MTHFD2L: variants seen among roughly 807,000 people sequenced by gnomAD.
The protein encoded by MTHFD2L is methylenetetrahydrofolate dehydrogenase (NADP+ dependent) 2 like.
MTHFD2L carries 29 observed loss-of-function variants against 34.9 expected under a neutral mutation model. The observed-to-expected ratio is 0.83, with a 90% CI of 0.62 to 1.13. MTHFD2L has a LOEUF of 1.13. Ranked by LOEUF, MTHFD2L falls within the 50% of genes most tolerant of loss-of-function variation. The pLI, the probability that MTHFD2L is intolerant of heterozygous loss-of-function variation, is 0.00. For synonymous variants in MTHFD2L, 167 were observed against 155.7 expected (o/e 1.07, Z -0.54); for missense variants, 481 against 446.5 (o/e 1.08, Z -0.70).
intron 6 of MTHFD2L, among the ~76,000 whole-genome samples, chr4:74,263,692 T>G (rs1395435299): frequency 6.6e-6 from 1 of 152,032 alleles, no homozygotes. Flanking sequence ...TTTGAGACTT[T>G]GAGGAAGTTG....
chr4:74,267,280 T>C, intron 6 of MTHFD2L: 1 of 941,972 alleles, frequency 1.1e-6, no homozygotes. Context: ...TTCTTTTTTC[T>C]ATTCTATTCT....
upstream of MTHFD2L, among the ~76,000 whole-genome samples, chr4:74,155,147 T>C (rs1474417457): frequency 6.6e-6 from 1 of 152,186 alleles, no homozygotes; most frequent in African/African-American, 2.4e-5. Flanking sequence ...GTTTCTTCTA[T>C]TGTTAGATTT....
At chr4:74,245,068 G>T (rs185969772) in intron 6 of MTHFD2L, among the ~76,000 whole-genome samples, 5 of 151,580 alleles carry the variant, frequency 3.3e-5, no homozygotes, top group Non-Finnish European at 7.4e-5. Context: ...CGTGGCAGGC[G>T]CCTGTAGTCC....
intron 6 of MTHFD2L, among the ~76,000 whole-genome samples, chr4:74,247,229 C>T (rs1742605566): frequency 6.6e-6 from 1 of 151,700 alleles, no homozygotes; most frequent in Non-Finnish European, 1.5e-5. Flanking sequence ...GTATTTTATT[C>T]TCTTTGAAGC....
chr4:74,242,066 C>G (rs1464517970), intron 6 of MTHFD2L: 1 of 152,078 alleles, frequency 6.6e-6, no homozygotes, highest in African/African-American at 2.4e-5. Flanking sequence ...TGTCAATATC[C>G]TGGGTATAAT....
intron 6 of MTHFD2L, among the ~76,000 whole-genome samples, chr4:74,255,154 A>AT (rs1345967188): frequency 6.6e-6 from 1 of 151,146 alleles, no homozygotes; most frequent in African/African-American, 2.4e-5. Flanking sequence ...AAAAAAAAAA[A>AT]AAAAAAAGAA....
intron 7 of MTHFD2L, chr4:74,288,294 T>C (rs1322294187): frequency 6.6e-6 from 1 of 152,174 alleles, no homozygotes; most frequent in Non-Finnish European, 1.5e-5. Context: ...TTATGTTCTC[T>C]TCTAAGGAAA....
At chr4:74,278,211 G>A (rs980407222) in intron 6 of MTHFD2L, among the ~76,000 whole-genome samples, 1 of 152,004 alleles carries the variant, frequency 6.6e-6, no homozygotes, top group African/African-American at 2.4e-5. Context: ...CCCTAGACCA[G>A]CCTCCGAAGT....
chr4:74,124,300 A>T (rs1157402071), upstream of MTHFD2L, among the ~76,000 whole-genome samples: 1 of 151,702 alleles, frequency 6.6e-6, no homozygotes, highest in African/African-American at 2.4e-5. Context: ...AATACAAGTC[A>T]TCTCTGTAAA....
At chr4:74,182,783 A>G (rs1057183482) in intron 3 of MTHFD2L, 1 of 152,108 alleles carries the variant, frequency 6.6e-6, no homozygotes, top group Non-Finnish European at 1.5e-5. Context: ...CATTTTTGGA[A>G]CCACTTCCAG....
intron 6 of MTHFD2L, among the ~76,000 whole-genome samples, chr4:74,231,576 C>T (rs1197503958): frequency 6.6e-6 from 1 of 152,132 alleles, no homozygotes; most frequent in Non-Finnish European, 1.5e-5. Flanking sequence ...CTTAAGGGTT[C>T]CTTCCCTCCT....
chr4:74,184,173 A>G (rs932076425), intron 3 of MTHFD2L, among the ~76,000 whole-genome samples: 7 of 152,222 alleles, frequency 4.6e-5, no homozygotes, highest in African/African-American at 1.7e-4. Context: ...AAAGACGACA[A>G]AGATGTTAAA....
intron 1 of MTHFD2L, among the ~76,000 whole-genome samples, chr4:74,137,539 G>A (rs961483212): frequency 6.6e-6 from 1 of 152,074 alleles, no homozygotes; most frequent in Non-Finnish European, 1.5e-5. Flanking sequence ...AGCCAGTACA[G>A]AAGATTGTAC....
intron 6 of MTHFD2L, among the ~76,000 whole-genome samples, chr4:74,274,221 T>C (rs945044570): frequency 1.1e-4 from 17 of 152,104 alleles, no homozygotes; most frequent in African/African-American, 4.1e-4. Flanking sequence ...TTTGCTTTTA[T>C]AGAGATACAA....
intron 5 of MTHFD2L, among the ~76,000 whole-genome samples, chr4:74,202,843 C>A (rs944085337): frequency 1.3e-5 from 2 of 152,120 alleles, no homozygotes; most frequent in African/African-American, 4.8e-5. Context: ...ATGATAGACA[C>A]CTATGTGCTC....
Position 74,245,038 on chromosome 4 carries a change from C to CA in MTHFD2L, c.805+19651dup, listed in dbSNP as rs550499907. ...TGAAACCCCGTCTCTACTAAAAATA[C>CA]AAAAAAATTAGCGAGGCGTCGTGGC... On this transcript the variant is annotated intron_variant, in intron 6 of 7. Transcript: ENST00000325278. Among the ~76,000 whole-genome samples, 24 of 151,610 alleles carry CA rather than the reference C, an allele frequency of 1.6e-4. 1 individual carries two copies. In the South Asian group the frequency reaches 4.2e-3, roughly 26 times the overall value.
chr4:74,125,800 A>C (rs905895262), intron 1 of MTHFD2L, among the ~76,000 whole-genome samples: 3 of 152,168 alleles, frequency 2.0e-5, no homozygotes, highest in African/African-American at 7.2e-5. Flanking sequence ...TTCTCTTTTA[A>C]TTTATGGTTT....
chr4:74,118,750 G>A (rs548444172), upstream of MTHFD2L, among the ~76,000 whole-genome samples: 3 of 152,310 alleles, frequency 2.0e-5, no homozygotes, highest in South Asian at 6.2e-4. Context: ...CCACACAGCA[G>A]GAGGTGAGCC....
intron 5 of MTHFD2L, among the ~76,000 whole-genome samples, chr4:74,221,795 GT>G (rs1738240092): frequency 6.7e-6 from 1 of 148,234 alleles, no homozygotes; most frequent in Non-Finnish European, 1.5e-5. Context: ...TCTGTTTATT[GT>G]TTTTATTTTT....
Sources: allele counts gnomAD v4.1 joint callset (sites outside exome capture counted in the v4.1 genomes callset), GRCh38; gene constraint gnomAD v4.1.1; transcripts MANE v1.5; gene names NCBI Gene and HGNC (gene_info 2026-07-23, HGNC 2026-07-21).